The following TBC1D5 variants were observed in gnomAD, a reference collection of about 807,000 sequenced individuals.
TBC1D5 encodes the protein TBC1 domain family, member 5.
A neutral mutation model predicts 100.3 loss-of-function variants in TBC1D5; 75 were observed. The observed-to-expected ratio is 0.75, with a 90% CI of 0.62 to 0.91. TBC1D5 has a LOEUF of 0.91. Among genes scored for constraint, TBC1D5 ranks in the 40% least tolerant of loss-of-function variants. The pLI is 0.00. For missense variants in TBC1D5, 910 were observed against 942.4 expected, an observed-to-expected ratio of 0.97 and a Z score of 0.45; for synonymous variants, 323 against 325.6, an observed-to-expected ratio of 0.99 and a Z score of 0.09.
rs190144308 is a variant in TBC1D5, at chr3:17,544,402, C to T, written c.-35-35797G>A. ...GCGCACTGGCTCACGCTTGTAATCCCGGCACTCTGGGAGGCCAAAGCAGGC... is the reference window on the plus strand; with the variant it reads ...GCGCACTGGCTCACGCTTGTAATCCTGGCACTCTGGGAGGCCAAAGCAGGC... On this transcript the variant is annotated intron_variant, in intron 2 of 21. Transcript: ENST00000253692. Among the ~76,000 whole-genome samples, 204 of 152,256 alleles carry T rather than the reference C, an allele frequency of 1.3e-3. 1 individual carries two copies. Among genetic ancestry groups the T allele is most frequent in the African/African-American group, 4.4e-3 (182 of 41,524 alleles).
intron 3 of TBC1D5, among the ~76,000 whole-genome samples, chr3:17,443,880 A>C (rs1025503915): frequency 2.0e-5 from 3 of 152,230 alleles, no homozygotes; most frequent in African/African-American, 2.4e-5. Context: ...AAAGAAAAAC[A>C]ACATTTTAAA....
chr3:17,429,177 A>C (rs144575762), intron 3 of TBC1D5, among the ~76,000 whole-genome samples: 2 of 152,108 alleles, frequency 1.3e-5, no homozygotes, highest in East Asian at 3.9e-4. Flanking sequence ...TTTTACTCAA[A>C]AATCTATCAT....
chr3:17,275,982 T>C (rs2079958668), intron 15 of TBC1D5, among the ~76,000 whole-genome samples: 1 of 152,164 alleles, frequency 6.6e-6, no homozygotes, highest in Non-Finnish European at 1.5e-5. Context: ...TGGAGTTAAG[T>C]AAGTTGTTTT....
chr3:17,335,386 T>G (rs1349592646), intron 13 of TBC1D5, among the ~76,000 whole-genome samples: 2 of 152,132 alleles, frequency 1.3e-5, no homozygotes, highest in Non-Finnish European at 2.9e-5. Context: ...TGGGAGCTTT[T>G]GCCCTAAATC....
chr3:17,345,097 C>A (rs1180426420), intron 13 of TBC1D5, among the ~76,000 whole-genome samples: 1 of 152,034 alleles, frequency 6.6e-6, no homozygotes, highest in Non-Finnish European at 1.5e-5. Context: ...AGAGCTTCTG[C>A]ACAGCAAAAG....
Position 17,557,274 on chromosome 3 carries a change from T to G in TBC1D5, c.-35-48669A>C, listed in dbSNP as rs147623505. Among the ~76,000 whole-genome samples the G allele has an allele frequency of 3.9e-5, 6 of 152,248 alleles. No homozygotes were observed. The East Asian group carries it at 1.2e-3, about 29-fold the overall frequency. ...CTTTGGCTTTATATGGCCTTTCTCC[T>G]ATGGGAGAAAAAAAACCAAGAGGGA... On this transcript the variant is annotated intron_variant, in intron 2 of 21. Transcript: ENST00000253692.
At chr3:17,496,188 C>T (rs1475938425) in intron 3 of TBC1D5, among the ~76,000 whole-genome samples, 1 of 152,104 alleles carries the variant, frequency 6.6e-6, no homozygotes, top group Non-Finnish European at 1.5e-5. Context: ...TAAATAATAG[C>T]TTGTACACTA....
At chr3:17,207,979 G>A (rs897635701) in intron 18 of TBC1D5, among the ~76,000 whole-genome samples, 1 of 152,204 alleles carries the variant, frequency 6.6e-6, no homozygotes, top group African/African-American at 2.4e-5. Context: ...CAAACGAAGA[G>A]ATGTCTTTGC....
chr3:17,331,165 C>T (rs887734468), intron 13 of TBC1D5, among the ~76,000 whole-genome samples: 2 of 152,208 alleles, frequency 1.3e-5, no homozygotes, highest in African/African-American at 4.8e-5. Context: ...GCCCTGAGGA[C>T]AGAGTTTAAA....
intron 14 of TBC1D5, among the ~76,000 whole-genome samples, chr3:17,299,608 C>A (rs961690971): frequency 1.3e-5 from 2 of 151,976 alleles, no homozygotes; most frequent in Non-Finnish European, 2.9e-5. Flanking sequence ...CCTGTAATCC[C>A]AGCACTTTGA....
chr3:17,720,827 T>G (rs1218879923), intron 1 of TBC1D5, among the ~76,000 whole-genome samples: 4 of 151,962 alleles, frequency 2.6e-5, no homozygotes, highest in African/African-American at 7.3e-5. Context: ...TTTTTGACTT[T>G]ACTTTTTTTC....
At chr3:17,407,535 C>A (rs963213317) in intron 4 of TBC1D5, among the ~76,000 whole-genome samples, 1 of 152,084 alleles carries the variant, frequency 6.6e-6, no homozygotes, top group Non-Finnish European at 1.5e-5. Context: ...ATCATTCTTC[C>A]GTTACACACA....
intron 17 of TBC1D5, among the ~76,000 whole-genome samples, chr3:17,235,380 C>T (rs1425179173): frequency 6.6e-6 from 1 of 152,178 alleles, no homozygotes; most frequent in African/African-American, 2.4e-5. Flanking sequence ...AATTTTCCAG[C>T]AGAGTACACT....
chr3:17,443,483 C>A (rs1365954180), intron 3 of TBC1D5, among the ~76,000 whole-genome samples: 1 of 152,164 alleles, frequency 6.6e-6, no homozygotes, highest in Non-Finnish European at 1.5e-5. Context: ...TTTATCAGCC[C>A]ACTTTTGGTT....
Position 17,515,760 on chromosome 3 carries a change from G to A in TBC1D5, c.-35-7155C>T, listed in dbSNP as rs574454295. Among the ~76,000 whole-genome samples, 4 of 152,216 alleles carry A rather than the reference G, an allele frequency of 2.6e-5. No individual in the cohort carries two copies. The South Asian group carries it at 8.3e-4, about 32-fold the overall frequency. ...TAAACAGATCCTTAATAGTTATAAG[G>A]TGTACACATCTTGTACAGATCACCA... On this transcript the variant is annotated intron_variant, in intron 2 of 21. Transcript: ENST00000253692.
intron 17 of TBC1D5, among the ~76,000 whole-genome samples, chr3:17,218,014 T>C (rs2073856615): frequency 6.6e-6 from 1 of 152,166 alleles, no homozygotes; most frequent in South Asian, 2.1e-4. Context: ...TGACTTATTT[T>C]GAGTTAATTT....
Position 17,613,217 on chromosome 3 carries a change from A to G in TBC1D5, c.-36+10632T>C, listed in dbSNP as rs2061831186. On this transcript the variant is annotated intron_variant, in intron 2 of 21. Coordinates refer to ENST00000253692, the Ensembl canonical transcript of TBC1D5. ...ACGTCCCTGCAAAGGACATGAACTC[A>G]TCATTGTTTATGGCTGCATAGTATT... Among the ~76,000 whole-genome samples the G allele has an allele frequency of 2.0e-5, 3 of 152,176 alleles. No homozygotes were observed. In the South Asian group the frequency reaches 6.2e-4, roughly 31 times the overall value.
chr3:17,178,618 A>T (rs963657710), intron 19 of TBC1D5, among the ~76,000 whole-genome samples: 2 of 152,076 alleles, frequency 1.3e-5, no homozygotes, highest in Middle Eastern at 3.2e-3. Context: ...GTACCAATTT[A>T]TGTTCCCACC....
At chr3:17,177,566 A>G (rs2067921606) in intron 19 of TBC1D5, among the ~76,000 whole-genome samples, 1 of 152,162 alleles carries the variant, frequency 6.6e-6, no homozygotes. Context: ...ATGTTTATGA[A>G]TATATTAGCT....
Sources: allele counts gnomAD v4.1 joint callset (sites outside exome capture counted in the v4.1 genomes callset), GRCh38; gene constraint gnomAD v4.1.1; transcripts MANE v1.5; gene names NCBI Gene and HGNC (gene_info 2026-07-23, HGNC 2026-07-21).